The following ZNF704 variants were observed in gnomAD, a reference collection of about 807,000 sequenced individuals.
The protein encoded by ZNF704 is glucocorticoid induced gene 1.
Under a neutral mutation model 44.7 loss-of-function variants are expected in ZNF704, and 10 were observed. The observed-to-expected ratio is 0.22, with a 90% CI of 0.14 to 0.38. ZNF704 has a LOEUF of 0.38. Ranked by LOEUF, ZNF704 falls within the 10% of genes least tolerant of loss-of-function variation. The pLI is 1.00. For synonymous variants in ZNF704, 211 were observed against 207.6 expected, an observed-to-expected ratio of 1.02 and a Z score of -0.14; for missense variants, 390 against 545.5, an observed-to-expected ratio of 0.71 and a Z score of 2.84.
intron 2 of ZNF704, among the ~76,000 whole-genome samples, chr8:80,695,798 A>G (rs1818715704): frequency 6.6e-6 from 1 of 152,248 alleles, no homozygotes. Context: ...GAGATTTACA[A>G]TGAAGAATGA....
At chr8:80,778,462 G>C (rs1807451981) in intron 2 of ZNF704, among the ~76,000 whole-genome samples, 1 of 152,118 alleles carries the variant, frequency 6.6e-6, no homozygotes, top group Admixed American at 6.5e-5. Flanking sequence ...TCCTCAAAGA[G>C]CTAAAAACAG....
chr8:80,714,807 A>G (rs73273069), intron 2 of ZNF704, among the ~76,000 whole-genome samples: 10,846 of 152,172 alleles, frequency 0.071, 1,298 homozygotes, highest in African/African-American at 0.25. Context: ...GAGGGTGGCA[A>G]GAGGCAGGTA....
chr8:80,794,372 T>TA (rs374810999), intron 2 of ZNF704, among the ~76,000 whole-genome samples: 51 of 152,252 alleles, frequency 3.3e-4, no homozygotes, highest in African/African-American at 9.6e-4. Context: ...ATCAATGATG[T>TA]AAAAAGAGCA....
At chr8:80,814,408 T>C (rs1343506567) in intron 2 of ZNF704, 2 of 152,240 alleles carry the variant, frequency 1.3e-5, no homozygotes, top group Admixed American at 6.5e-5. Context: ...CCCATCTCCA[T>C]GACTATACTT....
At chr8:80,790,596 G>C (rs143782737) in intron 2 of ZNF704, among the ~76,000 whole-genome samples, 34 of 152,244 alleles carry the variant, frequency 2.2e-4, no homozygotes, top group African/African-American at 7.2e-4. Context: ...GATACTAGTG[G>C]GAGAAGGCCA....
chr8:80,706,648 G>C (rs573186620), intron 2 of ZNF704, among the ~76,000 whole-genome samples: 1 of 152,256 alleles, frequency 6.6e-6, no homozygotes, highest in Non-Finnish European at 1.5e-5. Flanking sequence ...CCTGGGCTCT[G>C]GGTAATGGCC....
intron 2 of ZNF704, among the ~76,000 whole-genome samples, chr8:80,787,255 T>C (rs1167072505): frequency 6.6e-6 from 1 of 152,214 alleles, no homozygotes; most frequent in Non-Finnish European, 1.5e-5. Context: ...TTTTTTCTCT[T>C]TACCTCTTTC....
chr8:80,771,704 A>T (rs552373910), intron 2 of ZNF704, among the ~76,000 whole-genome samples: 1 of 152,054 alleles, frequency 6.6e-6, no homozygotes, highest in East Asian at 1.9e-4. Context: ...TCATTTTCTC[A>T]ACTTATTGCA....
chr8:80,881,914 C>A, the ZNF704 span, among the ~76,000 whole-genome samples: 1 of 151,752 alleles, frequency 6.6e-6, no homozygotes, highest in Non-Finnish European at 1.5e-5. Flanking sequence ...GGCAACAGAC[C>A]GAGACTCTGT....
At chr8:80,762,194 T>C (rs1807143559) in intron 2 of ZNF704, among the ~76,000 whole-genome samples, 1 of 152,206 alleles carries the variant, frequency 6.6e-6, no homozygotes, top group Non-Finnish European at 1.5e-5. Flanking sequence ...GAAAATGAAA[T>C]ACATCACATA....
intron 2 of ZNF704, among the ~76,000 whole-genome samples, chr8:80,708,643 TA>T (rs1467353310): frequency 1.3e-5 from 2 of 152,272 alleles, no homozygotes; most frequent in Non-Finnish European, 2.9e-5. Context: ...TAATAATTTG[TA>T]GCTCATTTAG....
rs1239466158 is a variant in ZNF704, at chr8:80,828,491, A to G, written c.-21-6876T>C. Among the ~76,000 whole-genome samples the G allele has an allele frequency of 2.0e-5, 3 of 152,174 alleles. No individual in the cohort carries two copies. The East Asian group carries it at 5.8e-4, about 29-fold the overall frequency. On this transcript the variant is annotated intron_variant, in intron 1 of 8. Coordinates refer to ENST00000327835, the MANE Select transcript of ZNF704 (RefSeq NM_001033723.3). ...CTCACTAATCAGTGGGGTGTATTTC[A>G]AAATATGCACAATCATGAGACATTT...
chr8:80,795,324 A>G (rs899074424), intron 2 of ZNF704, among the ~76,000 whole-genome samples: 4 of 152,242 alleles, frequency 2.6e-5, no homozygotes, highest in Admixed American at 2.6e-4. Flanking sequence ...GAGATATTAA[A>G]TGTGAAACAT....
chr8:80,650,672 G>C (rs1198357245), intron 7 of ZNF704, among the ~76,000 whole-genome samples: 1 of 152,204 alleles, frequency 6.6e-6, no homozygotes, highest in East Asian at 1.9e-4. Flanking sequence ...TATGTGAAAA[G>C]ACCAAATCTA....
At chr8:80,880,213 T>C in the ZNF704 span, among the ~76,000 whole-genome samples, 1 of 152,198 alleles carries the variant, frequency 6.6e-6, no homozygotes, top group Admixed American at 6.5e-5. Context: ...CTTTGCTATG[T>C]GCATCAGCTG....
At chr8:80,756,308 T>C (rs1474978157) in intron 2 of ZNF704, among the ~76,000 whole-genome samples, 1 of 152,178 alleles carries the variant, frequency 6.6e-6, no homozygotes, top group East Asian at 1.9e-4. Context: ...ATGGAAACAA[T>C]GATATTGTTA....
chr8:80,830,454 T>C (rs1808451031), intron 1 of ZNF704, among the ~76,000 whole-genome samples: 1 of 152,174 alleles, frequency 6.6e-6, no homozygotes, highest in Non-Finnish European at 1.5e-5. Context: ...AGATCAGTGA[T>C]TTCCTGGGGC....
chr8:80,749,990 C>T (rs368378634), intron 2 of ZNF704, among the ~76,000 whole-genome samples: 21 of 152,190 alleles, frequency 1.4e-4, no homozygotes, highest in South Asian at 8.3e-4. Context: ...TGCCTTCTCA[C>T]AGAATCACCT....
At chr8:80,774,547 A>G (rs1220344871) in intron 2 of ZNF704, among the ~76,000 whole-genome samples, 1 of 152,104 alleles carries the variant, frequency 6.6e-6, no homozygotes, top group African/African-American at 2.4e-5. Flanking sequence ...GATTCCCCAC[A>G]CAGTCTCTGC....
Sources: allele counts gnomAD v4.1 joint callset (sites outside exome capture counted in the v4.1 genomes callset), GRCh38; gene constraint gnomAD v4.1.1; transcripts MANE v1.5; gene names NCBI Gene and HGNC (gene_info 2026-07-23, HGNC 2026-07-21).